Variants in SCAI observed in about 807,000 individuals in gnomAD.
SCAI encodes suppressor of cancer cell invasion.
SCAI carries 24 observed loss-of-function variants against 92.2 expected under a neutral mutation model. The observed-to-expected ratio is 0.26, with a 90% CI of 0.19 to 0.37. The LOEUF is 0.37. SCAI is among the 10% of genes least tolerant of loss of function. The pLI is 1.00. For missense variants in SCAI, 450 were observed against 736.2 expected, an observed-to-expected ratio of 0.61 and a Z score of 4.50; for synonymous variants, 261 against 258.6, an observed-to-expected ratio of 1.01 and a Z score of -0.09.
At chr9:125,086,940 G>C (rs935066271) in intron 2 of SCAI, among the ~76,000 whole-genome samples, 45 of 152,236 alleles carry the variant, frequency 3.0e-4, no homozygotes, top group African/African-American at 1.0e-3. Flanking sequence ...AGAGAGTCTG[G>C]CATACATTAA....
intron 3 of SCAI, among the ~76,000 whole-genome samples, chr9:125,042,857 G>GGTT (rs1564390540): frequency 1.7e-5 from 2 of 115,900 alleles, no homozygotes; most frequent in Admixed American, 2.2e-4. Context: ...CTGCTCCCTG[G>GGTT]CTTTTTTTTT....
At chr9:125,023,570 C>T (rs1300682534) in intron 6 of SCAI, among the ~76,000 whole-genome samples, 2 of 152,004 alleles carry the variant, frequency 1.3e-5, no homozygotes, top group African/African-American at 4.8e-5. Context: ...AGCAAACCTT[C>T]TACAAAGGGC....
At chr9:124,988,178 C>T (rs948823379) in intron 14 of SCAI, among the ~76,000 whole-genome samples, 3 of 151,892 alleles carry the variant, frequency 2.0e-5, no homozygotes, top group Non-Finnish European at 2.9e-5. Flanking sequence ...CATGACCAGG[C>T]CATGAAGGAA....
intron 12 of SCAI, among the ~76,000 whole-genome samples, chr9:125,000,622 C>A (rs1397501769): frequency 6.7e-6 from 1 of 148,978 alleles, no homozygotes; most frequent in Non-Finnish European, 1.5e-5. Context: ...AAAGAAGTTG[C>A]AGAATAAAAT....
rs1011335214 is a variant in SCAI, at chr9:124,954,103, A to G, written c.1675-1150T>C. Among the ~76,000 whole-genome samples, 5 of 152,214 alleles carry G rather than the reference A, an allele frequency of 3.3e-5. No homozygotes were observed. The East Asian group carries it at 7.7e-4, about 23-fold the overall frequency. On this transcript the variant is annotated intron_variant, in intron 17 of 17. Coordinates refer to ENST00000336505, the MANE Select transcript of SCAI (RefSeq NM_001144877.3). ...AATCTACACGCCTCGGGCCTCCCCAAGTGCTGGGATTACAGGCGTGAGCCA... is the reference window on the plus strand; with the variant it reads ...AATCTACACGCCTCGGGCCTCCCCAGGTGCTGGGATTACAGGCGTGAGCCA...
intron 2 of SCAI, among the ~76,000 whole-genome samples, chr9:125,095,880 G>A (rs959045529): frequency 6.6e-6 from 1 of 152,140 alleles, no homozygotes; most frequent in African/African-American, 2.4e-5. Context: ...TAAAGGCCCT[G>A]GGAGGCTTAA....
intron 2 of SCAI, among the ~76,000 whole-genome samples, chr9:125,069,445 G>A: frequency 6.7e-6 from 1 of 149,322 alleles, no homozygotes; most frequent in Non-Finnish European, 1.5e-5. Flanking sequence ...AGCCTCCCGA[G>A]TAGCTGGGAC....
intron 2 of SCAI, among the ~76,000 whole-genome samples, chr9:125,088,891 T>C (rs945202660): frequency 2.0e-5 from 3 of 152,214 alleles, no homozygotes; most frequent in African/African-American, 4.8e-5. Context: ...GTGGGGGTTG[T>C]CTGGTACACT....
intron 17 of SCAI, among the ~76,000 whole-genome samples, chr9:124,967,862 C>T (rs954067295): frequency 5.3e-5 from 8 of 152,154 alleles, no homozygotes; most frequent in African/African-American, 1.9e-4. Flanking sequence ...TGTAGCCTAC[C>T]CGTTAATGTG....
intron 5 of SCAI, among the ~76,000 whole-genome samples, chr9:125,028,011 T>C (rs551989196): frequency 6.6e-6 from 1 of 152,366 alleles, no homozygotes; most frequent in South Asian, 2.1e-4. Flanking sequence ...GTATGAGTTT[T>C]TTAAAGTATC....
At chr9:124,979,444 G>A (rs1198429741) in intron 14 of SCAI, among the ~76,000 whole-genome samples, 1 of 151,884 alleles carries the variant, frequency 6.6e-6, no homozygotes, top group Non-Finnish European at 1.5e-5. Context: ...GTAGGCTGAG[G>A]CAGGAGAATT....
At chr9:124,994,280 C>G (rs1832194148) in intron 14 of SCAI, among the ~76,000 whole-genome samples, 1 of 152,196 alleles carries the variant, frequency 6.6e-6, no homozygotes, top group Non-Finnish European at 1.5e-5. Context: ...GGTAATCTGC[C>G]CGCCTCGGCC....
intron 2 of SCAI, among the ~76,000 whole-genome samples, chr9:125,133,715 C>T (rs1431459419): frequency 6.6e-6 from 1 of 152,048 alleles, no homozygotes; most frequent in African/African-American, 2.4e-5. Flanking sequence ...TGTATGCCAA[C>T]TGTACCTCTA....
At position 125,122,981 on chromosome 9, in the gene SCAI, G is replaced by GTCCC. The variant is rs1390851610; in HGVS notation, c.98+19651_98+19652insGGGA. Among the ~76,000 whole-genome samples the GTCCC allele has an allele frequency of 3.3e-5, 5 of 152,122 alleles. No individual in the cohort carries two copies. In the East Asian group the frequency reaches 9.6e-4, roughly 29 times the overall value. ...ATGCATATTCCTATTTTATACAAAA[G>GTCCC]TAAGAATCCTTTTACTTGATGACAA... On this transcript the variant is annotated intron_variant, in intron 2 of 17. Coordinates refer to ENST00000336505, the MANE Select transcript of SCAI (RefSeq NM_001144877.3).
intron 15 of SCAI, among the ~76,000 whole-genome samples, chr9:124,973,699 C>T (rs1173556345): frequency 1.3e-5 from 2 of 152,062 alleles, no homozygotes; most frequent in Admixed American, 6.6e-5. Context: ...TGGTGGCGAG[C>T]GCCTGTAATC....
At chr9:124,978,310 G>A (rs573886953) in intron 14 of SCAI, among the ~76,000 whole-genome samples, 21 of 152,248 alleles carry the variant, frequency 1.4e-4, no homozygotes, top group East Asian at 7.7e-4. Context: ...GCGTGGTAGC[G>A]CATGCCTGTA....
chr9:125,045,017 C>G (rs141743787), intron 3 of SCAI, among the ~76,000 whole-genome samples: 2 of 152,280 alleles, frequency 1.3e-5, no homozygotes, highest in East Asian at 3.9e-4. Flanking sequence ...ACACACCCCT[C>G]GCTGCTCCAT....
intron 2 of SCAI, among the ~76,000 whole-genome samples, chr9:125,106,564 C>T (rs991935405): frequency 2.6e-5 from 4 of 152,054 alleles, no homozygotes; most frequent in Non-Finnish European, 4.4e-5. Context: ...TAAACTAAGT[C>T]TTGTGTAACA....
At chr9:124,997,382 C>A (rs1832260534) in intron 13 of SCAI, among the ~76,000 whole-genome samples, 1 of 152,140 alleles carries the variant, frequency 6.6e-6, no homozygotes, top group Admixed American at 6.5e-5. Context: ...TATCTATATA[C>A]AAATATTCCA....
Sources: gnomAD v4.1 joint callset for allele counts (sites outside exome capture counted in the v4.1 genomes callset) on GRCh38, gnomAD v4.1.1 for gene constraint, MANE v1.5 for transcripts, NCBI Gene and HGNC (gene_info 2026-07-23, HGNC 2026-07-21) for gene names.